The following CAMSAP1 variants were observed in gnomAD, a reference collection of about 807,000 sequenced individuals.
The protein encoded by CAMSAP1 is calmodulin-regulated spectrin-associated protein 1.
Under a neutral mutation model 143.5 loss-of-function variants are expected in CAMSAP1, and 58 were observed. The ratio of observed to expected loss-of-function variants is 0.40; its 90% confidence interval spans 0.33 to 0.50. The LOEUF is 0.50. CAMSAP1 is among the 20% of genes least tolerant of loss of function. The pLI is 0.45. For synonymous variants in CAMSAP1, 945 were observed against 859.3 expected (o/e 1.10, Z -1.74); for missense variants, 1,969 against 2,115.7 (o/e 0.93, Z 1.36).
At chr9:135,884,474 G>C (rs990906680) in intron 1 of CAMSAP1, among the ~76,000 whole-genome samples, 7 of 152,116 alleles carry the variant, frequency 4.6e-5, no homozygotes, top group Admixed American at 1.3e-4. Context: ...CCTCATAGCT[G>C]GTTTACTTCT....
At chr9:135,836,797 C>T (rs991982938) in intron 7 of CAMSAP1, 4 of 984,480 alleles carry the variant, frequency 4.1e-6, no homozygotes, top group Admixed American at 6.2e-5. Flanking sequence ...CATCATCATG[C>T]ACTTTCTACC....
rs924630452 is a variant in CAMSAP1 at position 135,867,792 on chromosome 9, A to C, written c.586-1256T>G. ...AAGCTGAAAATCCACAGGACAAACA[A>C]GGCAAGAGGGGAACCCTGTAAGCAA... On this transcript the variant is annotated intron_variant, in intron 3 of 16. Coordinates refer to ENST00000389532, the MANE Select transcript of CAMSAP1 (RefSeq NM_015447.4). Among the ~76,000 whole-genome samples the C allele has an allele frequency of 5.9e-5, 9 of 152,370 alleles. No individual in the cohort carries two copies. In the Middle Eastern group the frequency reaches 0.01, roughly 173 times the overall value.
intron 7 of CAMSAP1, among the ~76,000 whole-genome samples, chr9:135,828,187 G>T (rs532795150): frequency 6.6e-6 from 1 of 152,252 alleles, no homozygotes; most frequent in African/African-American, 2.4e-5. Context: ...CTCTCCCAAA[G>T]GGTCAGCCCC....
At position 135,869,926 on chromosome 9, in the gene CAMSAP1, G is replaced by A. The variant is rs1330087430; in HGVS notation, c.586-3390C>T. 4.6e-5 allele frequency among the ~76,000 whole-genome samples: 7 copies of A among 152,124 alleles called. No homozygotes were observed. The South Asian group carries it at 8.3e-4, about 18-fold the overall frequency. On this transcript the variant is annotated intron_variant, in intron 3 of 16. Coordinates refer to ENST00000389532, the MANE Select transcript of CAMSAP1 (RefSeq NM_015447.4). Reference sequence around the variant, plus strand: ...ATGCTCTGTGAAAGATGCCAGGCACGGAAGATCACATACTGTATGATACCA... The same window carrying A: ...ATGCTCTGTGAAAGATGCCAGGCACAGAAGATCACATACTGTATGATACCA...
intron 7 of CAMSAP1, among the ~76,000 whole-genome samples, chr9:135,834,025 A>C (rs777321768): frequency 7.2e-5 from 11 of 152,340 alleles, no homozygotes; most frequent in Non-Finnish European, 1.6e-4. Context: ...TTTCCAAAGA[A>C]GACATACAGG....
At chr9:135,829,265 G>C (rs2131679518) in intron 7 of CAMSAP1, among the ~76,000 whole-genome samples, 1 of 152,016 alleles carries the variant, frequency 6.6e-6, no homozygotes, top group African/African-American at 2.4e-5. Context: ...ATTTTGGAAG[G>C]CTGAGGTGGG....
intron 14 of CAMSAP1, chr9:135,817,776 C>T: frequency 1.8e-6 from 1 of 563,088 alleles, no homozygotes; most frequent in Non-Finnish European, 3.2e-6. Context: ...AAGGTGAAGG[C>T]TGCCACGTTT....
chr9:135,846,351 C>A (rs543363556), intron 7 of CAMSAP1, among the ~76,000 whole-genome samples: 1 of 152,120 alleles, frequency 6.6e-6, no homozygotes, highest in Non-Finnish European at 1.5e-5. Context: ...TGGATCCCTT[C>A]CTTACACCTT....
rs774326199 is a variant in CAMSAP1, at chr9:135,823,191, G to A, written c.1470C>T (p.Gly490=). 5.0e-6 allele frequency: 8 copies of A among 1,593,688 alleles called. No individual in the cohort carries two copies. In the East Asian group the frequency reaches 6.7e-5, roughly 13 times the overall value. ...TGGAGCGGGCCAAGCTGATGCTGTCGCCAGAGCTGGGATCCACTTCACAAC... is the reference window on the plus strand; with the variant it reads ...TGGAGCGGGCCAAGCTGATGCTGTCACCAGAGCTGGGATCCACTTCACAAC... ...AASCEVDPSS[G]DSISLARSIS... Residue 490 remains glycine (G), a synonymous_variant, in exon 11 of 17, where the codon GGC becomes GGT. Transcript: ENST00000389532.
At chr9:135,878,809 C>T (rs111560286) in intron 3 of CAMSAP1, among the ~76,000 whole-genome samples, 8 of 152,122 alleles carry the variant, frequency 5.3e-5, no homozygotes, top group East Asian at 1.9e-4. Flanking sequence ...GACTCGCACC[C>T]GGGAGAAAGT....
At chr9:135,903,963 T>G (rs1260408103) in intron 1 of CAMSAP1, among the ~76,000 whole-genome samples, 1 of 152,236 alleles carries the variant, frequency 6.6e-6, no homozygotes, top group Non-Finnish European at 1.5e-5. Context: ...ACCTAGGCTG[T>G]GACCCCAACA....
At chr9:135,891,150 G>C (rs905577073) in intron 1 of CAMSAP1, among the ~76,000 whole-genome samples, 1 of 152,154 alleles carries the variant, frequency 6.6e-6, no homozygotes, top group Non-Finnish European at 1.5e-5. Flanking sequence ...ACGAGGAAAA[G>C]GGGCCCCTAC....
At chr9:135,860,537 G>A (rs1158552779) in intron 5 of CAMSAP1, among the ~76,000 whole-genome samples, 1 of 147,584 alleles carries the variant, frequency 6.8e-6, no homozygotes, top group East Asian at 2.0e-4. Context: ...AGTGGAGGTT[G>A]CAGTGAGCCA....
intron 5 of CAMSAP1, among the ~76,000 whole-genome samples, chr9:135,852,053 G>A (rs1021210837): frequency 1.3e-5 from 2 of 152,204 alleles, no homozygotes; most frequent in African/African-American, 2.4e-5. Flanking sequence ...TCTGCCAGGC[G>A]GAGGGGCGTG....
intron 14 of CAMSAP1, among the ~76,000 whole-genome samples, 190 bp from the exon 15 acceptor site, chr9:135,816,195 A>C (rs1588438646): frequency 6.6e-6 from 1 of 152,214 alleles, no homozygotes; most frequent in East Asian, 1.9e-4. Context: ...TACAAAAGCA[A>C]ACACTTCAGG....
At chr9:135,812,478 C>G (rs1386805827) in intron 16 of CAMSAP1, among the ~76,000 whole-genome samples, 1 of 152,144 alleles carries the variant, frequency 6.6e-6, no homozygotes, top group Admixed American at 6.5e-5. Context: ...TGGAGACAGA[C>G]TGGCGACCGC....
In CAMSAP1 at chr9:135,817,690, C is replaced by T. The variant is rs373269043; in HGVS notation, c.4271+287G>A. 411 of 339,676 alleles carry T rather than the reference C, an allele frequency of 1.2e-3. 1 individual carries two copies. Among genetic ancestry groups the T allele is most frequent in the South Asian group, 9.1e-3 (281 of 31,044 alleles). The allele number at this position is 339,676 out of a possible 1,614,324, so 21.0% of individuals were successfully genotyped here. A position where few individuals can be genotyped will look rare whatever the true frequency, so the allele number is the denominator to read the frequency against. ...CTGGAATCATGGGTGTGAGCCACCA[C>T]GCTTGGACTCCAACGGACTCAAAAC... On this transcript the variant is annotated intron_variant, in intron 14 of 16. Transcript: ENST00000389532.
rs1835336776 is a variant in CAMSAP1 at position 135,818,849 on chromosome 9, C to G, written c.3959+161G>C. ...AACGCACGTCCTCACTGAAGATCAG[C>G]AGGGGCCGTGAAAGTTCGGGGAGGT... On this transcript the variant is annotated intron_variant, in intron 12 of 16. Coordinates refer to ENST00000389532, the MANE Select transcript of CAMSAP1 (RefSeq NM_015447.4). The surrounding 1 kb of genome is among the most constrained non-coding windows in gnomAD (Gnocchi z 7.7). 6.6e-6 allele frequency among the ~76,000 whole-genome samples: 1 copy of G among 152,164 alleles called. No individual in the cohort carries two copies. Among genetic ancestry groups the G allele is most frequent in the South Asian group, 2.1e-4 (1 of 4,822 alleles).
In CAMSAP1 at chr9:135,822,411, G is replaced by A. The variant is rs536776836; in HGVS notation, c.2250C>T (p.His750=). The A allele has an allele frequency of 1.8e-5, 29 of 1,613,988 alleles. No homozygotes were observed. Among genetic ancestry groups the A allele is most frequent in the South Asian group, 1.5e-4 (14 of 91,084 alleles). Reference sequence around the variant, plus strand: ...CAGGATGGGCCTCACCCATGAAATCGTGCTCGGCTTCCTCTATGTCCACCA... The same window carrying A: ...CAGGATGGGCCTCACCCATGAAATCATGCTCGGCTTCCTCTATGTCCACCA... ...SDVVDIEEAE[H]DFMGEAHPVV... is the part of the protein sequence containing the mutation. Residue 750 remains histidine (H), a synonymous_variant, in exon 11 of 17, where the codon CAC becomes CAT. Coordinates refer to ENST00000389532, the MANE Select transcript of CAMSAP1 (RefSeq NM_015447.4). This position sits in a 1 kb window ranked among gnomAD's most constrained non-coding sequence, Gnocchi z 6.1.
Sources: allele counts gnomAD v4.1 joint callset (sites outside exome capture counted in the v4.1 genomes callset), GRCh38; gene constraint gnomAD v4.1.1; non-coding constraint Gnocchi (gnomAD v3.1); transcripts MANE v1.5; gene names NCBI Gene and HGNC (gene_info 2026-07-23, HGNC 2026-07-21).